The following NDUFS2 variants were observed in gnomAD, a reference collection of about 807,000 sequenced individuals.
NDUFS2 encodes the protein NADH:ubiquinone oxidoreductase core subunit S2, also known as NADH dehydrogenase [ubiquinone] iron-sulfur protein 2, mitochondrial.
Under a neutral mutation model 69.6 loss-of-function variants are expected in NDUFS2, and 38 were observed. That is an observed-to-expected ratio of 0.55 (90% CI 0.42 to 0.72). NDUFS2 has a LOEUF of 0.72. NDUFS2 is among the 30% of genes least tolerant of loss of function. NDUFS2 has a pLI of 0.00. For synonymous variants in NDUFS2, 194 were observed against 211.2 expected (o/e 0.92, Z 0.70); for missense variants, 468 against 595.0 (o/e 0.79, Z 2.22).
At chr1:161,210,261 G>A (rs371923433) in intron 7 of NDUFS2, 43 bp from the exon 8 acceptor site, 29 of 1,610,010 alleles carry the variant, frequency 1.8e-5, no homozygotes, top group Non-Finnish European at 2.4e-5. Flanking sequence ...TATTTGAAGA[G>A]TGTGAGGAAG....
rs971960882 is a variant in NDUFS2, at chr1:161,214,379, C to T, written c.*186C>T. On this transcript the variant is annotated 3_prime_UTR_variant, in exon 14 of 14. Coordinates refer to ENST00000676972, the MANE Select transcript of NDUFS2 (RefSeq NM_001377299.1). ...AAATTATAATAAATTAGCCGTCTTG[C>T]GGCCCCTAGGCCTAAACTTCTGGTA... 30 of 661,154 alleles carry T rather than the reference C, an allele frequency of 4.5e-5. No individual in the cohort carries two copies. Among genetic ancestry groups the T allele is most frequent in the Non-Finnish European group, 7.2e-5 (27 of 377,568 alleles). 41.0% of individuals were successfully genotyped at this position (661,154 alleles called of 1,614,324 possible). A position where few individuals can be genotyped will look rare whatever the true frequency, so the allele number is the denominator to read the frequency against.
At chr1:161,202,537 G>A in intron 1 of NDUFS2, 57 bp downstream of exon 1, 1 of 1,513,488 alleles carries the variant, frequency 6.6e-7, no homozygotes, top group Non-Finnish European at 9.0e-7. Context: ...TTCTCAGGTT[G>A]GGGACGCTTT....
chr1:161,211,799 G>A lies in NDUFS2; in HGVS notation c.987-552G>A, dbSNP rs894182972. Among the ~76,000 whole-genome samples the A allele has an allele frequency of 9.2e-5, 14 of 151,916 alleles. 1 individual carries two copies. Among genetic ancestry groups the A allele is most frequent in the Middle Eastern group, 6.8e-3 (2 of 294 alleles). On this transcript the variant is annotated intron_variant, in intron 9 of 13. Coordinates refer to ENST00000676972, the MANE Select transcript of NDUFS2 (RefSeq NM_001377299.1). ...TGCTGTTATTTTTGTTTGTCCATTT[G>A]ACTCTCACCCATCCTGTGGTCCAAA...
At chr1:161,198,479 C>G (rs773546873), upstream of NDUFS2, 6 of 1,568,782 alleles carry the variant, frequency 3.8e-6, no homozygotes, top group Non-Finnish European at 5.2e-6. This position sits in a 1 kb window ranked among gnomAD's most constrained non-coding sequence, Gnocchi z 4.7. Context: ...GCTGGCCAGC[C>G]GGGCTGAGGG....
chr1:161,205,792 C>G (rs1665429879), intron 2 of NDUFS2, among the ~76,000 whole-genome samples: 1 of 151,154 alleles, frequency 6.6e-6, no homozygotes, highest in African/African-American at 2.4e-5. Context: ...AGGTAATCTT[C>G]TTGAGGGTAA....
At chr1:161,202,063 C>G, upstream of NDUFS2, 5 of 450,030 alleles carry the variant, frequency 1.1e-5, no homozygotes, top group South Asian at 2.1e-5. Flanking sequence ...CCGCGCGTTT[C>G]CAAGATACGC....
chr1:161,206,427 A>G lies in NDUFS2; in HGVS notation c.223A>G (p.Thr75Ala), dbSNP rs1443085928. 6.2e-7 allele frequency: 1 copy of G among 1,614,256 alleles called. No individual in the cohort carries two copies. Among genetic ancestry groups the G allele is most frequent in the South Asian group, 1.1e-5 (1 of 91,088 alleles). ...PWNDVDPPKDTIVKNITLNFG... is the reference protein window; with the variant it reads ...PWNDVDPPKDAIVKNITLNFG... ...CTCAGATGTGGACCCTCCAAAGGAC[A>G]CAATTGTGAAGAACATTACCCTGAA... The change falls in exon 3 of 14, where the codon ACA becomes GCA. Residue 75 changes from threonine (T) to alanine (A), a missense_variant. By Grantham distance (58) the Thr-to-Ala change is moderately conservative. Around this residue, in one of 3 missense-constraint regions of NDUFS2, gnomAD observed 339 missense variants for 433.8 expected, o/e 0.78. Coordinates refer to ENST00000676972, the MANE Select transcript of NDUFS2 (RefSeq NM_001377299.1).
In NDUFS2 at chr1:161,210,647, A is replaced by G. The variant is rs373835897; in HGVS notation, c.923A>G (p.Tyr308Cys). ...IQWDLRKTQP[Y>C]DVYDQVEFDV... is the part of the protein sequence containing the mutation. Reference sequence around the variant, plus strand: ...TGGGACCTGCGGAAGACCCAGCCCTATGATGTTTACGACCAGGTTGAGTTT... The same window carrying G: ...TGGGACCTGCGGAAGACCCAGCCCTGTGATGTTTACGACCAGGTTGAGTTT... The change falls in exon 9 of 14, where the codon TAT becomes TGT. Residue 308 changes from tyrosine to cysteine, a missense_variant. Tyr to Cys is a radical substitution (Grantham distance 194, BLOSUM62 -2). Transcript: ENST00000676972. 2.5e-6 allele frequency: 4 copies of G among 1,614,018 alleles called. No individual in the cohort carries two copies. The highest frequency in any genetic ancestry group is 2.7e-5 in the African/African-American group (2 of 74,904).
upstream of NDUFS2, chr1:161,198,744 G>C: frequency 1.0e-6 from 1 of 1,000,334 alleles, no homozygotes; most frequent in Non-Finnish European, 1.4e-6. This position sits in a 1 kb window ranked among gnomAD's most constrained non-coding sequence, Gnocchi z 4.7. Flanking sequence ...GCCAAGGTCA[G>C]AGGCAAAGTT....
intron 2 of NDUFS2, chr1:161,203,941 G>A: frequency 3.2e-6 from 1 of 309,262 alleles, no homozygotes; most frequent in Non-Finnish European, 6.4e-6. Context: ...TCTGTCTTAG[G>A]CAAATTTTAG....
At chr1:161,202,309 G>C (rs1027181151), upstream of NDUFS2, 2 of 1,425,424 alleles carry the variant, frequency 1.4e-6, no homozygotes, top group Non-Finnish European at 1.9e-6. Flanking sequence ...TGTGCGAATA[G>C]GTGAGAAGCC....
chr1:161,214,329 T>C lies in NDUFS2; in HGVS notation c.*136T>C. 1 of 872,786 alleles carries C rather than the reference T, an allele frequency of 1.1e-6. No homozygotes were observed. The highest frequency in any genetic ancestry group is 1.9e-6 in the Non-Finnish European group (1 of 534,802). The allele number at this position is 872,786 out of a possible 1,614,324, so 54.1% of individuals were successfully genotyped here. A position where few individuals can be genotyped will look rare whatever the true frequency, so the allele number is the denominator to read the frequency against. On this transcript the variant is annotated 3_prime_UTR_variant, in exon 14 of 14. Coordinates refer to ENST00000676972, the MANE Select transcript of NDUFS2 (RefSeq NM_001377299.1). Reference sequence around the variant, plus strand: ...TTCATGTACACTTGGCTGTCAGGCTTTCTGTGCATGTACTAAAAAAGGAGA... The same window carrying C: ...TTCATGTACACTTGGCTGTCAGGCTCTCTGTGCATGTACTAAAAAAGGAGA...
intron 9 of NDUFS2, among the ~76,000 whole-genome samples, chr1:161,211,598 T>C (rs982650642): frequency 6.6e-6 from 1 of 152,052 alleles, no homozygotes; most frequent in African/African-American, 2.4e-5. Context: ...TGCAGTGAGC[T>C]GAGATGGAGC....
upstream of NDUFS2, among the ~76,000 whole-genome samples, chr1:161,201,412 C>T (rs1665113896): frequency 6.6e-6 from 1 of 152,224 alleles, no homozygotes; most frequent in South Asian, 2.1e-4. Context: ...GAGAGTTGTA[C>T]AAACTCTACG....
At chr1:161,202,071 C>G, upstream of NDUFS2, 1 of 458,916 alleles carries the variant, frequency 2.2e-6, no homozygotes, top group Non-Finnish European at 4.0e-6. Context: ...TTCCAAGATA[C>G]GCAGGCGGGC....
intron 4 of NDUFS2, 28 bp from the exon 5 acceptor site, chr1:161,209,455 A>G (rs777671929): frequency 6.2e-7 from 1 of 1,611,640 alleles, no homozygotes; most frequent in African/African-American, 1.3e-5. Flanking sequence ...CTTGGCTCCT[A>G]TATCCTGTCT....
At position 161,210,175 on chromosome 1, in the gene NDUFS2, A is replaced by G. The variant is rs536763398; in HGVS notation, c.767A>G (p.Asp256Gly). ...TCTAAGAACTTCTCTCTTCGGCTTGATGAGTTGGAGGAGGTAAGCTAGGAG... is the reference window on the plus strand; with the variant it reads ...TCTAAGAACTTCTCTCTTCGGCTTGGTGAGTTGGAGGAGGTAAGCTAGGAG... ...QFSKNFSLRLDELEELLTNNR... is the reference protein window; with the variant it reads ...QFSKNFSLRLGELEELLTNNR... The change falls in exon 7 of 14, where the codon GAT becomes GGT. Residue 256 changes from aspartate (D) to glycine (G), a missense_variant. This residue lies in a region of NDUFS2 where 339 missense variants were observed against 433.8 expected (regional missense o/e 0.78). Coordinates refer to ENST00000676972, the MANE Select transcript of NDUFS2 (RefSeq NM_001377299.1). The G allele has an allele frequency of 5.0e-6, 8 of 1,614,060 alleles. No homozygotes were observed. Among genetic ancestry groups the G allele is most frequent in the African/African-American group, 4.0e-5 (3 of 75,014 alleles).
upstream of NDUFS2, among the ~76,000 whole-genome samples, chr1:161,201,135 C>A (rs924785855): frequency 2.6e-5 from 4 of 152,236 alleles, no homozygotes; most frequent in African/African-American, 9.6e-5. Flanking sequence ...CAAACCTCTG[C>A]CCTGGCTCTG....
At chr1:161,209,768 G>A in intron 5 of NDUFS2, 89 bp from the exon 6 acceptor site, 1 of 1,449,396 alleles carries the variant, frequency 6.9e-7, no homozygotes, top group Non-Finnish European at 9.6e-7. Flanking sequence ...GGTTGGTTGG[G>A]CACAAGAAGG....
Sources: gnomAD v4.1 joint callset for allele counts (sites outside exome capture counted in the v4.1 genomes callset) on GRCh38, gnomAD v4.1.1 for gene constraint, gnomAD v4.1.1 regional missense constraint, Gnocchi (gnomAD v3.1) non-coding constraint, MANE v1.5 for transcripts, NCBI Gene and HGNC (gene_info 2026-07-23, HGNC 2026-07-21) for gene names.